Variants in EML1 observed in about 807,000 individuals in gnomAD.
EML1 encodes the protein EMAP like 1.
In EML1, 27 loss-of-function variants were observed where a neutral mutation model predicts 110.4. The observed-to-expected ratio is 0.24, with a 90% CI of 0.18 to 0.34. The LOEUF is 0.34. EML1 is among the 10% of genes least tolerant of loss of function. EML1 has a pLI of 1.00. For missense variants in EML1, 741 were observed against 1,030.9 expected (o/e 0.72, Z 3.85); for synonymous variants, 344 against 385.8 (o/e 0.89, Z 1.27).
At chr14:99,739,462 C>T (rs975426591) in intron 1 of EML1, among the ~76,000 whole-genome samples, 6 of 152,290 alleles carry the variant, frequency 3.9e-5, no homozygotes, top group African/African-American at 1.4e-4. Context: ...CACGTGTGTG[C>T]GCAGCCTGGA....
At position 99,742,958 on chromosome 14, in the gene EML1, C is replaced by T. The variant is rs997381339; in HGVS notation, c.28+5098C>T. ...GTGTGCCGGGCACCTGTGATATTGA[C>T]ACCAAGAAGGACTCAACCTCAGCAG... On this transcript the variant is annotated intron_variant, in intron 1 of 10. Transcript: ENST00000554479. 2.0e-5 allele frequency among the ~76,000 whole-genome samples: 3 copies of T among 152,192 alleles called. No individual in the cohort carries two copies. The South Asian group carries it at 6.2e-4, about 32-fold the overall frequency.
intron 1 of EML1, among the ~76,000 whole-genome samples, chr14:99,785,881 C>T (rs890405053): frequency 6.6e-6 from 1 of 152,030 alleles, no homozygotes. Context: ...AGAAACACAT[C>T]AATAGAGATG....
At chr14:99,879,386 C>T (rs1243945507) in intron 4 of EML1, among the ~76,000 whole-genome samples, 3 of 152,136 alleles carry the variant, frequency 2.0e-5, no homozygotes, top group Non-Finnish European at 4.4e-5. Context: ...ATTTTATTCT[C>T]TCTGTTTAGT....
chr14:99,889,033 G>C (rs1036103435), intron 4 of EML1, among the ~76,000 whole-genome samples: 20 of 152,182 alleles, frequency 1.3e-4, no homozygotes, highest in African/African-American at 4.6e-4. Context: ...ACCCACGGAG[G>C]CAGAGGCATG....
chr14:99,908,018 C>T (rs2059883822), intron 10 of EML1, among the ~76,000 whole-genome samples: 1 of 152,244 alleles, frequency 6.6e-6, no homozygotes, highest in South Asian at 2.1e-4. Context: ...CTGGCTGTTC[C>T]TTTCATTTGC....
chr14:99,917,338 G>A (rs544939766), intron 15 of EML1, among the ~76,000 whole-genome samples: 1 of 152,290 alleles, frequency 6.6e-6, no homozygotes, highest in South Asian at 2.1e-4. Flanking sequence ...GGGAGGCAGA[G>A]ACAGGAGGAT....
In EML1 at chr14:99,939,298, C is replaced by T. The variant is rs747829508; in HGVS notation, c.2293C>T (p.Leu765Phe). Residue 765 changes from leucine (L) to phenylalanine (F), a missense_variant, in exon 21 of 22, where the codon CTC (leucine) becomes TTC (phenylalanine). Physicochemically the swap from Leu to Phe is conservative, Grantham distance 22. This residue lies in a region of EML1 where 114 missense variants were observed against 122.5 expected (regional missense o/e 0.93). Transcript: ENST00000262233. This position sits in a 1 kb window ranked among gnomAD's most constrained non-coding sequence, Gnocchi z 4.2. ...STGDDFGKVH[L>F]FSYPCSQFRA... ...AGGCGACGACTTTGGCAAAGTGCAC[C>T]TCTTCTCATACCCCTGCTCGCAGTT... 5 of 1,614,074 alleles carry T rather than the reference C, an allele frequency of 3.1e-6. No homozygotes were observed. In the African/African-American group the frequency reaches 5.3e-5, roughly 17 times the overall value.
Position 99,911,535 on chromosome 14 carries a change from A to G in EML1, c.1453A>G (p.Ile485Val). 1.2e-6 allele frequency: 2 copies of G among 1,612,770 alleles called. No homozygotes were observed. The highest frequency in any genetic ancestry group is 1.7e-6 in the Non-Finnish European group (2 of 1,179,800). Reference protein sequence around the residue: ...VSGGGKDRKLISWSGNYQKLR... With the variant: ...VSGGGKDRKLVSWSGNYQKLR... Reference sequence around the variant, plus strand: ...GGGAGGTGGGAAAGACCGAAAGCTCATTTCTTGGAGCGGAAACTATCAAAA... The same window carrying G: ...GGGAGGTGGGAAAGACCGAAAGCTCGTTTCTTGGAGCGGAAACTATCAAAA... The change falls in exon 13 of 22, where the codon ATT becomes GTT. Residue 485 changes from isoleucine to valine, a missense_variant. Transcript: ENST00000262233.
At chr14:99,911,250 G>T (rs944367562) in intron 12 of EML1, among the ~76,000 whole-genome samples, 172 bp from the exon 13 acceptor site, 1 of 152,152 alleles carries the variant, frequency 6.6e-6, no homozygotes, top group African/African-American at 2.4e-5. Context: ...CCCATTTCAT[G>T]CTTGTCTGGT....
intron 9 of EML1, among the ~76,000 whole-genome samples, chr14:99,901,840 C>T (rs1395473488): frequency 6.6e-6 from 1 of 152,176 alleles, no homozygotes; most frequent in Non-Finnish European, 1.5e-5. Flanking sequence ...CCTAGAATGC[C>T]TAACCACCTG....
intron 1 of EML1, among the ~76,000 whole-genome samples, chr14:99,741,371 T>C (rs566762780): frequency 6.6e-6 from 1 of 152,120 alleles, no homozygotes; most frequent in Non-Finnish European, 1.5e-5. Context: ...TGGGAAGTTG[T>C]TCCCCCGTCT....
In EML1 at chr14:99,758,751, C is replaced by T. The variant is rs556206150; in HGVS notation, c.28+20891C>T. Among the ~76,000 whole-genome samples the T allele has an allele frequency of 3.3e-4, 50 of 152,296 alleles. 3 individuals are homozygous for T. In the South Asian group the frequency reaches 9.3e-3, roughly 28 times the overall value. On this transcript the variant is annotated intron_variant, in intron 1 of 10. Transcript: ENST00000554479. ...AGGCTTCTGGGGAGAGGCTGAGGAG[C>T]ACCGAGTCGCTCAGCCCTGCAACAG...
At position 99,936,070 on chromosome 14, in the gene EML1, T is replaced by C; in HGVS notation, c.1951T>C (p.Tyr651His). 1 of 1,614,146 alleles carries C rather than the reference T, an allele frequency of 6.2e-7. No individual in the cohort carries two copies. The highest frequency in any genetic ancestry group is 1.1e-5 in the South Asian group (1 of 91,084). Residue 651 changes from tyrosine to histidine, a missense_variant, in exon 18 of 22, where the codon TAT (tyrosine) becomes CAT (histidine). Around this residue, in one of 4 missense-constraint regions of EML1, gnomAD observed 388 missense variants for 605.6 expected, o/e 0.64. Transcript: ENST00000262233. This position sits in a 1 kb window ranked among gnomAD's most constrained non-coding sequence, Gnocchi z 5.5. ...LAIGSHDNCI[Y>H]IYGVSDNGRK... ...CATAGGCTCACATGACAACTGCATC[T>C]ATATATATGGCGTTAGTGACAACGG...
chr14:99,907,603 A>G (rs138506654), intron 9 of EML1, 35 bp from the exon 10 acceptor site: 2 of 1,577,928 alleles, frequency 1.3e-6, no homozygotes, highest in African/African-American at 2.7e-5. Context: ...CTTTATTCTC[A>G]GATATAGTCT....
rs2059925886 is a variant in EML1 at position 99,910,319 on chromosome 14, C to T, written c.1317C>T (p.Gly439=). The change falls in exon 12 of 22, where the codon GGC becomes GGT. Residue 439 remains glycine (G), a synonymous_variant. Transcript: ENST00000262233. ...ACACCATTACTGGAGATTCAAGTGG[C>T]AACATCTTAGTATGGGGAAAAGGTA... ...NGDTITGDSS[G]NILVWGKGTN... 1.2e-6 allele frequency: 2 copies of T among 1,613,148 alleles called. No individual in the cohort carries two copies.
chr14:99,820,411 C>T (rs1374252357), intron 1 of EML1, among the ~76,000 whole-genome samples: 1 of 152,112 alleles, frequency 6.6e-6, no homozygotes, highest in Non-Finnish European at 1.5e-5. Flanking sequence ...ATTGGTAGCC[C>T]GTGCTCAGCA....
intron 17 of EML1, among the ~76,000 whole-genome samples, chr14:99,934,163 T>G (rs1005384920): frequency 2.0e-4 from 30 of 152,168 alleles, no homozygotes; most frequent in Admixed American, 9.2e-4. Context: ...TTAGTAGCAT[T>G]TTGTGTTTAT....
upstream of EML1, among the ~76,000 whole-genome samples, chr14:99,790,756 G>A (rs1161256539): frequency 1.3e-5 from 2 of 152,152 alleles, no homozygotes; most frequent in Non-Finnish European, 2.9e-5. Context: ...GAGAGGCAGA[G>A]AACCCACCTG....
At chr14:99,795,319 C>A (rs2057750031) in intron 1 of EML1, among the ~76,000 whole-genome samples, 1 of 152,154 alleles carries the variant, frequency 6.6e-6, no homozygotes, top group Non-Finnish European at 1.5e-5. Flanking sequence ...TGGTGATGTC[C>A]AGAAGAAAGT....
Sources: allele counts gnomAD v4.1 joint callset (sites outside exome capture counted in the v4.1 genomes callset), GRCh38; gene constraint gnomAD v4.1.1; regional missense constraint gnomAD v4.1.1; non-coding constraint Gnocchi (gnomAD v3.1); transcripts MANE v1.5; gene names NCBI Gene and HGNC (gene_info 2026-07-23, HGNC 2026-07-21).